PPP3CA: variants seen among roughly 807,000 people sequenced by gnomAD.
PPP3CA encodes the protein CAM-PRP catalytic subunit.
Under a neutral mutation model 66.5 loss-of-function variants are expected in PPP3CA, and 14 were observed. That is an observed-to-expected ratio of 0.21 (90% CI 0.14 to 0.33). The LOEUF is 0.33. Among genes scored for constraint, PPP3CA ranks in the 10% least tolerant of loss-of-function variants. PPP3CA has a pLI of 1.00. For missense variants in PPP3CA, 317 were observed against 639.5 expected (o/e 0.50, Z 5.44); for synonymous variants, 232 against 226.2 (o/e 1.03, Z -0.23).
chr4:101,128,992 C>T (rs911641043), intron 2 of PPP3CA, among the ~76,000 whole-genome samples: 1 of 152,150 alleles, frequency 6.6e-6, no homozygotes, highest in African/African-American at 2.4e-5. Flanking sequence ...AGCTATGATA[C>T]ACTGACTGGA....
chr4:101,103,277 T>C (rs1035483417), intron 3 of PPP3CA, among the ~76,000 whole-genome samples: 5 of 152,186 alleles, frequency 3.3e-5, no homozygotes, highest in Admixed American at 6.5e-5. Flanking sequence ...CTCTTTAAAG[T>C]AACTACTCGT....
intron 2 of PPP3CA, among the ~76,000 whole-genome samples, chr4:101,129,655 C>T (rs937996190): frequency 2.6e-5 from 4 of 152,120 alleles, no homozygotes; most frequent in East Asian, 1.9e-4. Flanking sequence ...GCAGAGGGGC[C>T]TGACTGTTAG....
At chr4:101,175,691 A>G (rs1473619407) in intron 2 of PPP3CA, among the ~76,000 whole-genome samples, 1 of 152,156 alleles carries the variant, frequency 6.6e-6, no homozygotes, top group Non-Finnish European at 1.5e-5. Context: ...TCTGTCCTAT[A>G]TTGTTGATGA....
chr4:101,029,286 C>A, intron 12 of PPP3CA, 91 bp from the exon 13 acceptor site: 1 of 1,023,028 alleles, frequency 9.8e-7, no homozygotes, highest in Non-Finnish European at 1.4e-6. Flanking sequence ...ATCAAAGGAG[C>A]TAAGAGAACT....
chr4:101,285,413 CA>C (rs61701764), intron 1 of PPP3CA, among the ~76,000 whole-genome samples: 8,289 of 152,016 alleles, frequency 0.055, 736 homozygotes, highest in African/African-American at 0.19. Context: ...AAATGGAATA[CA>C]AGATTTATAA....
At position 101,346,891 on chromosome 4, in the gene PPP3CA, G is replaced by GCCGCCA. The variant is rs2110349057; in HGVS notation, c.-96_-95insTGGCGG. On this transcript the variant is annotated 5_prime_UTR_variant, in exon 1 of 14. Coordinates refer to ENST00000394854, the MANE Select transcript of PPP3CA (RefSeq NM_000944.5). ...CCAGACACTCAACGCCGCCGCCGCC[G>GCCGCCA]CCGCCGCCGCCGCGCTGCAAACCGC... is the stretch of plus-strand genomic sequence containing the variant. 1.4e-6 allele frequency: 2 copies of GCCGCCA among 1,406,382 alleles called. No homozygotes were observed. The highest frequency in any genetic ancestry group is 1.3e-5 in the South Asian group (1 of 79,984). 87.1% of individuals were successfully genotyped at this position (1,406,382 alleles called of 1,614,324 possible). A position where few individuals can be genotyped will look rare whatever the true frequency, so the allele number is the denominator to read the frequency against.
intron 1 of PPP3CA, among the ~76,000 whole-genome samples, chr4:101,331,610 C>A (rs1729390033): frequency 6.6e-6 from 1 of 152,128 alleles, no homozygotes; most frequent in African/African-American, 2.4e-5. Flanking sequence ...ACAGGAGAGA[C>A]AGATTAAAAG....
intron 2 of PPP3CA, among the ~76,000 whole-genome samples, chr4:101,124,693 G>GAAAGAAAGAA (rs1267655558): frequency 3.8e-4 from 34 of 88,362 alleles, no homozygotes; most frequent in African/African-American, 1.6e-3. Flanking sequence ...AAGAAAGAAA[G>GAAAGAAAGAA]AAAGAAAGAA....
At chr4:101,031,684 T>C (rs1463201531) in intron 12 of PPP3CA, among the ~76,000 whole-genome samples, 1 of 152,162 alleles carries the variant, frequency 6.6e-6, no homozygotes, top group Non-Finnish European at 1.5e-5. Flanking sequence ...CTACACATTT[T>C]AACACAAAAT....
intron 1 of PPP3CA, among the ~76,000 whole-genome samples, chr4:101,201,203 C>G (rs1182349290): frequency 6.6e-6 from 1 of 152,140 alleles, no homozygotes. Context: ...ATCTAGCTTT[C>G]TTTTACTGGA....
At chr4:101,211,782 G>A (rs1033456501) in intron 1 of PPP3CA, among the ~76,000 whole-genome samples, 1 of 152,114 alleles carries the variant, frequency 6.6e-6, no homozygotes, top group African/African-American at 2.4e-5. Context: ...TCTTTAAAAA[G>A]CATGTTAGTT....
At position 101,145,146 on chromosome 4, in the gene PPP3CA, C is replaced by T. The variant is rs555597536; in HGVS notation, c.260-36068G>A. ...AACACTGCTCTATATATAATGTTTT[C>T]AGGAAAAAAAATCTTAAAAGGAAAC... is the stretch of plus-strand genomic sequence containing the variant. On this transcript the variant is annotated intron_variant, in intron 2 of 13. Coordinates refer to ENST00000394854, the MANE Select transcript of PPP3CA (RefSeq NM_000944.5). 1.4e-3 allele frequency among the ~76,000 whole-genome samples: 209 copies of T among 151,904 alleles called. 1 individual carries two copies. The highest frequency in any genetic ancestry group is 4.9e-3 in the African/African-American group (202 of 41,452).
intron 8 of PPP3CA, among the ~76,000 whole-genome samples, chr4:101,075,852 G>A (rs1012996123): frequency 1.3e-5 from 2 of 152,002 alleles, no homozygotes; most frequent in African/African-American, 2.4e-5. Flanking sequence ...AATCATTGGT[G>A]GAATTATTTA....
At chr4:101,051,371 T>C (rs1162931030) in intron 10 of PPP3CA, among the ~76,000 whole-genome samples, 2 of 152,176 alleles carry the variant, frequency 1.3e-5, no homozygotes, top group Admixed American at 6.6e-5. Flanking sequence ...CACAACTCTC[T>C]TGCAGTTGTT....
chr4:101,075,480 C>G (rs1192430795), intron 8 of PPP3CA, among the ~76,000 whole-genome samples: 5 of 152,172 alleles, frequency 3.3e-5, no homozygotes, highest in East Asian at 1.9e-4. Context: ...TATCTAACTA[C>G]TCATCTAATC....
At chr4:101,142,061 A>T (rs35057231) in intron 2 of PPP3CA, among the ~76,000 whole-genome samples, 14,697 of 152,170 alleles carry the variant, frequency 0.097, 940 homozygotes, top group Non-Finnish European at 0.14. Context: ...AAAAAAAAAA[A>T]AAAAAGAAGA....
At chr4:101,259,989 C>T (rs1726962172) in intron 1 of PPP3CA, among the ~76,000 whole-genome samples, 1 of 152,148 alleles carries the variant, frequency 6.6e-6, no homozygotes, top group South Asian at 2.1e-4. Context: ...ATAGTAATTA[C>T]TCCTTCCTTT....
chr4:101,202,507 G>C (rs976249588), intron 1 of PPP3CA, among the ~76,000 whole-genome samples: 2 of 152,090 alleles, frequency 1.3e-5, no homozygotes, highest in Non-Finnish European at 2.9e-5. Flanking sequence ...GGATATTCTG[G>C]ATGCAAAGAT....
intron 1 of PPP3CA, among the ~76,000 whole-genome samples, chr4:101,201,304 T>C (rs1018924286): frequency 1.3e-5 from 2 of 152,214 alleles, no homozygotes; most frequent in Non-Finnish European, 2.9e-5. Context: ...TTCCCAACTT[T>C]GGTTTAATTT....
Sources: allele counts gnomAD v4.1 joint callset (sites outside exome capture counted in the v4.1 genomes callset), GRCh38; gene constraint gnomAD v4.1.1; transcripts MANE v1.5; gene names NCBI Gene and HGNC (gene_info 2026-07-23, HGNC 2026-07-21).